Variants in GRIA4 observed in about 807,000 individuals in gnomAD.
GRIA4 encodes glutamate receptor 4.
GRIA4 carries 34 observed loss-of-function variants against 104.0 expected under a neutral mutation model. The ratio of observed to expected loss-of-function variants is 0.33; its 90% CI spans 0.25 to 0.44. The LOEUF (loss-of-function observed/expected upper bound fraction) is 0.44. Ranked by LOEUF, GRIA4 falls within the 20% of genes least tolerant of loss-of-function variation. The probability of loss-of-function intolerance (pLI) is 1.00; values close to 1 mark genes in which losing one functional copy is unlikely to be tolerated. For synonymous variants in GRIA4, 386 were observed against 381.9 expected (o/e 1.01, Z -0.13); for missense variants, 750 against 1,096.5 (o/e 0.68, Z 4.46).
At chr11:105,661,973 G>A (rs948626912) in intron 3 of GRIA4, among the ~76,000 whole-genome samples, 1 of 148,414 alleles carries the variant, frequency 6.7e-6, no homozygotes, top group South Asian at 2.2e-4. Context: ...GGATTAATAA[G>A]ACCTTCAATG....
At chr11:105,850,949 G>T (rs1379098509) in intron 4 of GRIA4, among the ~76,000 whole-genome samples, 3 of 152,070 alleles carry the variant, frequency 2.0e-5, no homozygotes, top group African/African-American at 7.2e-5. Flanking sequence ...CATATCATGA[G>T]GAGAATAAAA....
In GRIA4 at chr11:105,778,574, G is replaced by A. The variant is rs139350838; in HGVS notation, c.487+25354G>A. Among the ~76,000 whole-genome samples the A allele has an allele frequency of 9.6e-3, 1,463 of 152,122 alleles. 32 individuals carry two copies. The highest frequency in any genetic ancestry group is 0.033 in the African/African-American group (1,380 of 41,494). ...ACGAAAATTAGCCGGGTGTGATGGC[G>A]TGCACCTGTAATCCCAGCTACTCAG... On this transcript the variant is annotated intron_variant, in intron 4 of 16. Coordinates refer to ENST00000282499, the MANE Select transcript of GRIA4 (RefSeq NM_000829.4).
rs1054027745 is a variant in GRIA4 at position 105,687,951 on chromosome 11, A to G, written c.248-65030A>G. Among the ~76,000 whole-genome samples the G allele has an allele frequency of 2.0e-5, 3 of 152,288 alleles. No homozygotes were observed. The South Asian group carries it at 6.2e-4, about 32-fold the overall frequency. On this transcript the variant is annotated intron_variant, in intron 3 of 16. Coordinates refer to ENST00000282499, the MANE Select transcript of GRIA4 (RefSeq NM_000829.4). ...TCATTTCCATCAACACCAATAGATG[A>G]CTTTGTTTTTAAAGAAATGAAATTT...
At chr11:105,794,469 G>GTATATATATATATATATATATA (rs1200611859) in intron 4 of GRIA4, among the ~76,000 whole-genome samples, 2 of 40,776 alleles carry the variant, frequency 4.9e-5, no homozygotes, top group Non-Finnish European at 9.8e-5. Context: ...GTGTGTATAT[G>GTATATATATATATATATATATA]TATGTATATA....
chr11:105,720,095 C>A (rs562487626), intron 3 of GRIA4, among the ~76,000 whole-genome samples: 1 of 151,572 alleles, frequency 6.6e-6, no homozygotes, highest in Non-Finnish European at 1.5e-5. Flanking sequence ...TGTCAATATG[C>A]CAACTTTGAT....
At chr11:105,656,561 G>T (rs888569242) in intron 3 of GRIA4, among the ~76,000 whole-genome samples, 1 of 152,010 alleles carries the variant, frequency 6.6e-6, no homozygotes, top group African/African-American at 2.4e-5. Flanking sequence ...CACAGCAAAA[G>T]AAACTATCAA....
chr11:105,623,143 T>C (rs888660810), intron 3 of GRIA4, among the ~76,000 whole-genome samples: 1 of 150,092 alleles, frequency 6.7e-6, no homozygotes, highest in Non-Finnish European at 1.5e-5. Context: ...ATTGATTCAA[T>C]GATGTTGCTG....
intron 3 of GRIA4, among the ~76,000 whole-genome samples, chr11:105,669,954 G>T (rs531556246): frequency 2.6e-5 from 4 of 152,144 alleles, no homozygotes; most frequent in Admixed American, 6.6e-5. Flanking sequence ...TACCCAGTGA[G>T]AAAATTATAC....
chr11:105,746,915 C>G (rs767518662), intron 3 of GRIA4, among the ~76,000 whole-genome samples: 3 of 151,890 alleles, frequency 2.0e-5, no homozygotes, highest in Non-Finnish European at 4.4e-5. Flanking sequence ...ACCATACAAA[C>G]GAGGATTCGT....
rs1275479027 is a variant in GRIA4, at chr11:105,933,941, G to A, written c.2266G>A (p.Val756Ile). Residue 756 changes from valine to isoleucine, a missense_variant, in exon 14 of 17, where the codon GTA becomes ATA. Val to Ile is a conservative substitution (Grantham distance 29). This residue lies in a region of GRIA4 where 272 missense variants were observed against 524.5 expected (regional missense o/e 0.52). Transcript: ENST00000282499. ...GGNLDSKGYG[V>I]ATPKGSSLRT... ...AAATCTGGATTCCAAAGGCTATGGAGTAGCAACGCCCAAGGGTTCCTCATT... is the reference window on the plus strand; with the variant it reads ...AAATCTGGATTCCAAAGGCTATGGAATAGCAACGCCCAAGGGTTCCTCATT... 2.5e-6 allele frequency: 4 copies of A among 1,613,020 alleles called. No individual in the cohort carries two copies. Among genetic ancestry groups the A allele is most frequent in the Non-Finnish European group, 3.4e-6 (4 of 1,179,176 alleles).
At chr11:105,634,507 AAG>A (rs1951146028) in intron 3 of GRIA4, among the ~76,000 whole-genome samples, 1 of 55,964 alleles carries the variant, frequency 1.8e-5, no homozygotes, top group African/African-American at 4.7e-5. Flanking sequence ...GAAAGAAAGA[AAG>A]AAAGAAGAAA....
At chr11:105,948,415 T>C (rs1377670856) in intron 14 of GRIA4, among the ~76,000 whole-genome samples, 1 of 152,056 alleles carries the variant, frequency 6.6e-6, no homozygotes, top group Non-Finnish European at 1.5e-5. Context: ...TGTGGTGAGT[T>C]AAATACATAT....
intron 4 of GRIA4, among the ~76,000 whole-genome samples, chr11:105,756,034 T>C (rs1214298099): frequency 6.6e-6 from 1 of 152,186 alleles, no homozygotes; most frequent in Non-Finnish European, 1.5e-5. Flanking sequence ...CATAATTGCA[T>C]GAGCCAATTT....
intron 16 of GRIA4, among the ~76,000 whole-genome samples, chr11:105,976,284 G>C (rs1858977313): frequency 6.6e-6 from 1 of 152,030 alleles, no homozygotes; most frequent in African/African-American, 2.4e-5. Flanking sequence ...AATAAAAAAA[G>C]AGTATTAGAA....
At chr11:105,785,521 C>T (rs988969752) in intron 4 of GRIA4, among the ~76,000 whole-genome samples, 3 of 152,084 alleles carry the variant, frequency 2.0e-5, no homozygotes, top group African/African-American at 4.8e-5. Context: ...AAAATCATCA[C>T]GATCAAACAT....
intron 3 of GRIA4, among the ~76,000 whole-genome samples, chr11:105,656,458 C>T (rs1213676512): frequency 1.3e-5 from 2 of 152,202 alleles, no homozygotes; most frequent in South Asian, 2.1e-4. Flanking sequence ...AGGACATAGG[C>T]ATGGGCAAAG....
intron 2 of GRIA4, among the ~76,000 whole-genome samples, chr11:105,611,379 T>A (rs549433831): frequency 1.3e-5 from 2 of 152,166 alleles, no homozygotes; most frequent in South Asian, 2.1e-4. Flanking sequence ...CTTCGGGGAA[T>A]TTGGTTGTAT....
At chr11:105,774,898 A>G (rs1941383823) in intron 4 of GRIA4, among the ~76,000 whole-genome samples, 1 of 152,206 alleles carries the variant, frequency 6.6e-6, no homozygotes, top group African/African-American at 2.4e-5. Flanking sequence ...GTAATAAATT[A>G]CTGCAAAGTC....
chr11:105,718,953 T>C (rs1954199740), intron 3 of GRIA4, among the ~76,000 whole-genome samples: 1 of 152,114 alleles, frequency 6.6e-6, no homozygotes, highest in African/African-American at 2.4e-5. Flanking sequence ...CAGGCATGAA[T>C]GAGCTTACAT....
Sources: allele counts gnomAD v4.1 joint callset (sites outside exome capture counted in the v4.1 genomes callset), GRCh38; gene constraint gnomAD v4.1.1; regional missense constraint gnomAD v4.1.1; transcripts MANE v1.5; gene names NCBI Gene and HGNC (gene_info 2026-07-23, HGNC 2026-07-21).